The following RALGAPA1 variants were observed in gnomAD, a reference collection of about 807,000 sequenced individuals.
The protein encoded by RALGAPA1 is ral GTPase-activating protein subunit alpha-1.
In RALGAPA1, 52 loss-of-function variants were observed where a neutral mutation model predicts 269.6. The observed-to-expected ratio is 0.19, with a 90% CI of 0.15 to 0.24. RALGAPA1 has a LOEUF of 0.24. Ranked by LOEUF, RALGAPA1 falls within the 10% of genes least tolerant of loss-of-function variation. RALGAPA1 has a pLI of 1.00. For missense variants in RALGAPA1, 1,917 were observed against 3,013.9 expected (o/e 0.64, Z 8.52); for synonymous variants, 817 against 1,008.3 (o/e 0.81, Z 3.60).
In RALGAPA1 at chr14:35,700,189, G is replaced by A. The variant is rs554138214; in HGVS notation, c.2380C>T (p.Leu794Phe). The change falls in exon 17 of 42, where the codon CTC becomes TTC. Residue 794 changes from leucine (L) to phenylalanine (F), a missense_variant. By Grantham distance (22) the Leu-to-Phe change is conservative. Transcript: ENST00000680220. Reference sequence around the variant, plus strand: ...GAAAGCTCATCAGAAAGGGGAGTGAGAACAATATCAGGCAAGAAGGGTTTG... The same window carrying A: ...GAAAGCTCATCAGAAAGGGGAGTGAAAACAATATCAGGCAAGAAGGGTTTG... ...TSKPFLPDIV[L>F]TPLSDELSDI... The A allele has an allele frequency of 2.0e-6, 3 of 1,535,082 alleles. No homozygotes were observed. Among genetic ancestry groups the A allele is most frequent in the South Asian group, 1.2e-5 (1 of 83,908 alleles).
intron 18 of RALGAPA1, among the ~76,000 whole-genome samples, chr14:35,688,008 G>GA (rs201030502): frequency 0.041 from 6,176 of 152,122 alleles, 362 homozygotes; most frequent in African/African-American, 0.12. Context: ...TTTCTATCAA[G>GA]AAAAAATACA....
chr14:35,664,878 A>G, intron 26 of RALGAPA1, 111 bp from the exon 27 acceptor site: 1 of 930,400 alleles, frequency 1.1e-6, no homozygotes. Context: ...CATAAAACAA[A>G]ATTTAAAAAG....
At chr14:35,782,514 A>C (rs370798970) in intron 1 of RALGAPA1, among the ~76,000 whole-genome samples, 1 of 152,046 alleles carries the variant, frequency 6.6e-6, no homozygotes, top group South Asian at 2.1e-4. Context: ...GCTCATTGCA[A>C]CCTCCGCCTC....
Position 35,752,091 on chromosome 14 carries a change from C to T in RALGAPA1, c.735G>A (p.Lys245=), listed in dbSNP as rs942919086. 1.3e-6 allele frequency: 2 copies of T among 1,587,198 alleles called. No homozygotes were observed. Among genetic ancestry groups the T allele is most frequent in the South Asian group, 2.3e-5 (2 of 85,338 alleles). The part of the protein sequence containing the change: ...RGFSFLFSHF[K]KYYLPYIFPN... ...GAAAAATATAAGGCAAGTAATATTT[C>T]TTAAAATGTGAAAACAAAAATGAAA... Residue 245 remains lysine, a synonymous_variant, in exon 8 of 42, where the codon AAG becomes AAA. Coordinates refer to ENST00000680220, the MANE Select transcript of RALGAPA1 (RefSeq NM_001346249.2).
intron 4 of RALGAPA1, among the ~76,000 whole-genome samples, chr14:35,763,196 CT>C (rs58053879): frequency 0.17 from 26,485 of 151,912 alleles, 4,268 homozygotes; most frequent in East Asian, 0.45. Flanking sequence ...TTAATATTTC[CT>C]TTTTTCTTTT....
intron 39 of RALGAPA1, among the ~76,000 whole-genome samples, chr14:35,569,165 G>A (rs10142189): frequency 0.34 from 52,295 of 151,938 alleles, 12,461 homozygotes; most frequent in African/African-American, 0.67. Context: ...GTCAATTTTC[G>A]TCAAAAGAAG....
At chr14:35,740,401 C>T (rs1384485302) in intron 11 of RALGAPA1, among the ~76,000 whole-genome samples, 2 of 152,188 alleles carry the variant, frequency 1.3e-5, no homozygotes, top group African/African-American at 4.8e-5. Flanking sequence ...TGAAATAGGA[C>T]AGAGAATGCT....
chr14:35,713,680 C>T (rs2068555307), intron 16 of RALGAPA1, among the ~76,000 whole-genome samples: 1 of 152,050 alleles, frequency 6.6e-6, no homozygotes, highest in Non-Finnish European at 1.5e-5. Context: ...GGTCCCAATA[C>T]TATAGTAATA....
rs568189066 is a variant in RALGAPA1 at position 35,550,068 on chromosome 14, C to T, written c.7497-834G>A. On this transcript the variant is annotated intron_variant, in intron 39 of 41. Transcript: ENST00000680220. ...GTTGTTGCTTTTGAACAACCCACTC[C>T]AGGCTTCCTGTTTCAGCAGGCCTGA... 8.1e-4 allele frequency among the ~76,000 whole-genome samples: 123 copies of T among 152,306 alleles called. 1 individual carries two copies. The highest frequency in any genetic ancestry group is 2.9e-3 in the African/African-American group (120 of 41,584).
chr14:35,752,148 T>C lies in RALGAPA1; in HGVS notation c.678A>G (p.Glu226=). 7.0e-6 allele frequency: 11 copies of C among 1,561,264 alleles called. No individual in the cohort carries two copies. The highest frequency in any genetic ancestry group is 9.5e-6 in the Non-Finnish European group (11 of 1,158,946). The change falls in exon 8 of 42, where the codon GAA becomes GAG. Residue 226 remains glutamate (E), a synonymous_variant. Coordinates refer to ENST00000680220, the MANE Select transcript of RALGAPA1 (RefSeq NM_001346249.2). ...TTTCTTGGTTTTCTTTGTTCTTCCA[T>C]TCTAAACTTTTTACCTAAAAATAAA... ...KYIVIQVKSL[E]WKNKENQERG...
intron 39 of RALGAPA1, among the ~76,000 whole-genome samples, chr14:35,559,962 C>T (rs1321159508): frequency 6.6e-6 from 1 of 152,076 alleles, no homozygotes; most frequent in African/African-American, 2.4e-5. Context: ...TGTATAAATA[C>T]TATCAAACAT....
At chr14:35,645,349 GT>G (rs1566909024) in intron 31 of RALGAPA1, among the ~76,000 whole-genome samples, 63 of 62,106 alleles carry the variant, frequency 1.0e-3, no homozygotes, top group Middle Eastern at 8.6e-3. Context: ...AGAGATGGGT[GT>G]GTGTGTGTGT....
intron 39 of RALGAPA1, among the ~76,000 whole-genome samples, chr14:35,563,807 A>C (rs1285931974): frequency 2.6e-5 from 4 of 152,144 alleles, no homozygotes; most frequent in Non-Finnish European, 4.4e-5. Context: ...AAAATCATCT[A>C]ATGCAAAGCC....
chr14:35,737,101 C>T (rs1032173234), intron 12 of RALGAPA1, among the ~76,000 whole-genome samples: 6 of 148,564 alleles, frequency 4.0e-5, no homozygotes. Context: ...GAAAGACCAA[C>T]ACCCAAAATA....
rs566517975 is a variant in RALGAPA1, at chr14:35,728,751, G to A, written c.1588-241C>T. 9.1e-5 allele frequency among the ~76,000 whole-genome samples: 13 copies of A among 142,956 alleles called. No individual in the cohort carries two copies. In the East Asian group the frequency reaches 1.6e-3, roughly 18 times the overall value. 93.8% of individuals were successfully genotyped at this position (142,956 alleles called of 152,430 possible). A position where few individuals can be genotyped will look rare whatever the true frequency, so the allele number is the denominator to read the frequency against. ...TATTTCTTTCTTTTTTTTTTTTTTC[G>A]AGACAGAGTCTTGTTTAGTCACCCA... On this transcript the variant is annotated intron_variant, in intron 12 of 41. Transcript: ENST00000680220.
chr14:35,661,723 G>A (rs1206295041), intron 27 of RALGAPA1, among the ~76,000 whole-genome samples: 1 of 152,120 alleles, frequency 6.6e-6, no homozygotes, highest in Admixed American at 6.5e-5. Context: ...TTCCTTAAGA[G>A]GATCAACCTT....
At chr14:35,694,327 T>TAG (rs1173174529) in intron 17 of RALGAPA1, among the ~76,000 whole-genome samples, 4 of 152,288 alleles carry the variant, frequency 2.6e-5, no homozygotes, top group African/African-American at 9.6e-5. Context: ...CTAGTTTACA[T>TAG]AGAAATTGAT....
At position 35,609,053 on chromosome 14, in the gene RALGAPA1, C is replaced by T. The variant is rs1395106544; in HGVS notation, c.6930-3344G>A. 3.3e-5 allele frequency among the ~76,000 whole-genome samples: 5 copies of T among 151,888 alleles called. No individual in the cohort carries two copies. The East Asian group carries it at 5.8e-4, about 18-fold the overall frequency. ...CATCCTGGCTAACACGGTGTAACCCCGTCTCTACTAAAAATACAAAAAATT... is the reference window on the plus strand; with the variant it reads ...CATCCTGGCTAACACGGTGTAACCCTGTCTCTACTAAAAATACAAAAAATT... On this transcript the variant is annotated intron_variant, in intron 35 of 41. Coordinates refer to ENST00000680220, the MANE Select transcript of RALGAPA1 (RefSeq NM_001346249.2).
chr14:35,688,035 C>T (rs943541040), intron 18 of RALGAPA1, among the ~76,000 whole-genome samples: 6 of 152,106 alleles, frequency 3.9e-5, no homozygotes, highest in Admixed American at 3.9e-4. Flanking sequence ...AATAGATCAG[C>T]AGTAAAAATA....
Sources: gnomAD v4.1 joint callset for allele counts (sites outside exome capture counted in the v4.1 genomes callset) on GRCh38, gnomAD v4.1.1 for gene constraint, MANE v1.5 for transcripts, NCBI Gene and HGNC (gene_info 2026-07-23, HGNC 2026-07-21) for gene names.